The following EIF2S3 variants were observed in gnomAD, a reference collection of about 807,000 sequenced individuals.
EIF2S3 encodes eukaryotic translation initiation factor 2 subunit 3.
EIF2S3 carries 2 observed loss-of-function variants against 31.7 expected under a neutral mutation model. The observed-to-expected ratio is 0.06, with a 90% CI of 0.03 to 0.20. EIF2S3 has a LOEUF of 0.20. Ranked by LOEUF, EIF2S3 falls within the 10% of genes least tolerant of loss-of-function variation. The pLI, the probability that EIF2S3 is intolerant of heterozygous loss-of-function variation, is 1.00. For synonymous variants in EIF2S3, 120 were observed against 126.7 expected (o/e 0.95, Z 0.36); for missense variants, 96 against 359.3 (o/e 0.27, Z 5.92).
chrX:24,071,517 G>A (rs1930670421), intron 9 of EIF2S3, 41 bp from the exon 10 acceptor site: 1 of 1,167,845 alleles, frequency 8.6e-7, no homozygotes, highest in African/African-American at 1.8e-5. Flanking sequence ...GGTGTTTTAG[G>A]AAATAAAAAA....
At chrX:24,067,206 G>C (rs1445210649) in intron 8 of EIF2S3, among the ~76,000 whole-genome samples, 1 of 111,103 alleles carries the variant, frequency 9.0e-6, no homozygotes, top group Non-Finnish European at 1.9e-5. Context: ...ACCTCGCCCA[G>C]CTAATTTTTT....
Position 24,072,649 on chromosome X carries a change from T to C in EIF2S3, c.1183-442T>C, listed in dbSNP as rs749487180. Among the ~76,000 whole-genome samples, 9 of 111,656 alleles carry C rather than the reference T, an allele frequency of 8.1e-5. No individual in the cohort carries two copies. The East Asian group carries it at 2.5e-3, about 31-fold the overall frequency. ...ATGGGAAATTGCTGACACCTAGTGTTGGCAAAGATTGAGGAAAATAAGCTA... is the reference window on the plus strand; with the variant it reads ...ATGGGAAATTGCTGACACCTAGTGTCGGCAAAGATTGAGGAAAATAAGCTA... On this transcript the variant is annotated intron_variant, in intron 10 of 11. Transcript: ENST00000253039.
At chrX:24,055,371 G>A (rs981410249) in intron 1 of EIF2S3, among the ~76,000 whole-genome samples, 1 of 111,512 alleles carries the variant, frequency 9.0e-6, no homozygotes, top group Non-Finnish European at 1.9e-5. Flanking sequence ...CCCAAGATTG[G>A]GGGGATCTCT....
rs192685955 is a variant in EIF2S3 at position 24,063,824 on chromosome X, A to G, written c.638-377A>G. 2.7e-5 allele frequency among the ~76,000 whole-genome samples: 3 copies of G among 111,653 alleles called. No individual in the cohort carries two copies. In the East Asian group the frequency reaches 8.4e-4, roughly 31 times the overall value. ...GCAGTCTTTGATTAGCAGAGTCTGT[A>G]ATTTTATCTTGACATTTATTGGGAG... On this transcript the variant is annotated intron_variant, in intron 6 of 11. Coordinates refer to ENST00000253039, the MANE Select transcript of EIF2S3 (RefSeq NM_001415.4).
At chrX:24,074,531 C>T (rs1438657388) in intron 11 of EIF2S3, among the ~76,000 whole-genome samples, 1 of 111,470 alleles carries the variant, frequency 9.0e-6, no homozygotes, top group Non-Finnish European at 1.9e-5. Context: ...TCATTGAATC[C>T]CACACCCCTG....
chrX:24,077,987 G>A lies in EIF2S3; in HGVS notation c.*1202G>A, dbSNP rs1029089110. ...TAGAAAGCAATGAGTGAGTCCTTTT[G>A]ATTTTTAACTTATTCCCCATGTCCC... On this transcript the variant is annotated 3_prime_UTR_variant, in exon 12 of 12. Coordinates refer to ENST00000253039, the MANE Select transcript of EIF2S3 (RefSeq NM_001415.4). 10 of 110,181 alleles carry A rather than the reference G, an allele frequency of 9.1e-5. No individual in the cohort carries two copies. The highest frequency in any genetic ancestry group is 3.3e-4 in the African/African-American group (10 of 30,113). 9.1% of individuals were successfully genotyped at this position (110,181 alleles called of 1,213,427 possible).
chrX:24,073,418 T>C (rs764178161), intron 11 of EIF2S3, 155 bp downstream of exon 11: 57 of 742,258 alleles, frequency 7.7e-5, no homozygotes, highest in Middle Eastern at 4.0e-4. Context: ...TTCGGCCGGG[T>C]GCGGTGGCTC....
chrX:24,056,000 G>A (rs1930397801), intron 2 of EIF2S3, among the ~76,000 whole-genome samples: 1 of 111,940 alleles, frequency 8.9e-6, no homozygotes, highest in Non-Finnish European at 1.9e-5. Context: ...ATTATTTCAA[G>A]GGCAGAATTT....
At chrX:24,059,429 CT>C (rs199919234) in intron 4 of EIF2S3, among the ~76,000 whole-genome samples, 9 of 100,629 alleles carry the variant, frequency 8.9e-5, no homozygotes, top group East Asian at 3.1e-4. Context: ...TTTTTTTTCT[CT>C]TTTTTTTTTG....
At chrX:24,056,908 C>T (rs970766970) in intron 2 of EIF2S3, among the ~76,000 whole-genome samples, 4 of 112,173 alleles carry the variant, frequency 3.6e-5, no homozygotes, top group Non-Finnish European at 7.5e-5. Context: ...GGAAGTTTCT[C>T]TTAAGTCCTA....
chrX:24,065,515 G>A (rs1178023969), intron 7 of EIF2S3, among the ~76,000 whole-genome samples: 2 of 111,088 alleles, frequency 1.8e-5, no homozygotes, highest in Non-Finnish European at 3.8e-5. Flanking sequence ...CGAGCTACTC[G>A]GTAGGCTGAG....
Position 24,076,926 on chromosome X carries a change from CTT to C in EIF2S3, c.*161_*162del, listed in dbSNP as rs879230822. 3,886 of 175,547 alleles carry C rather than the reference CTT, an allele frequency of 0.022. 8 individuals carry two copies. Among genetic ancestry groups the C allele is most frequent in the East Asian group, 0.059 (653 of 11,011 alleles). The allele number at this position is 175,547 out of a possible 1,213,427, so 14.5% of individuals were successfully genotyped here. ...TAGTAGGTAACGGTAAGGTTATTCTCTTTTTTTTTTTTTTTTTTTTTGGTTAT... is the reference window on the plus strand; with the variant it reads ...TAGTAGGTAACGGTAAGGTTATTCTCTTTTTTTTTTTTTTTTTTTGGTTAT... On this transcript the variant is annotated 3_prime_UTR_variant, in exon 12 of 12. Transcript: ENST00000253039.
At chrX:24,076,576 T>G in intron 11 of EIF2S3, 146 bp from the exon 12 acceptor site, 1 of 501,796 alleles carries the variant, frequency 2.0e-6, no homozygotes, top group South Asian at 3.1e-5. Context: ...TCTAAGAATA[T>G]AGTGTGGGCT....
intron 5 of EIF2S3, 39 bp from the exon 6 acceptor site, chrX:24,062,377 C>G: frequency 8.6e-7 from 1 of 1,164,408 alleles, no homozygotes; most frequent in Non-Finnish European, 1.1e-6. Context: ...ATATTTCCAG[C>G]TATTCTTATA....
At chrX:24,063,537 T>C (rs1930524659) in intron 6 of EIF2S3, among the ~76,000 whole-genome samples, 1 of 111,590 alleles carries the variant, frequency 9.0e-6, no homozygotes. Flanking sequence ...ACCAAGACTT[T>C]AGGAGGCTGA....
intron 10 of EIF2S3, 31 bp from the exon 11 acceptor site, chrX:24,073,060 G>T: frequency 3.4e-6 from 4 of 1,170,899 alleles, no homozygotes; most frequent in Non-Finnish European, 1.1e-6. Context: ...CTTGATTTTG[G>T]GGTTTATTTT....
intron 11 of EIF2S3, among the ~76,000 whole-genome samples, chrX:24,075,452 C>A (rs1930739861): frequency 9.0e-6 from 1 of 111,432 alleles, no homozygotes; most frequent in South Asian, 3.8e-4. Flanking sequence ...ACAGTCCATA[C>A]CACCATCACT....
Position 24,077,788 on chromosome X carries a change from C to T in EIF2S3, c.*1003C>T, listed in dbSNP as rs1230513328. 8.9e-6 allele frequency: 1 copy of T among 111,746 alleles called. No homozygotes were observed. Among genetic ancestry groups the T allele is most frequent in the Admixed American group, 9.6e-5 (1 of 10,427 alleles). The allele number at this position is 111,746 out of a possible 1,213,427, so 9.2% of individuals were successfully genotyped here. A position where few individuals can be genotyped will look rare whatever the true frequency, so the allele number is the denominator to read the frequency against. On this transcript the variant is annotated 3_prime_UTR_variant, in exon 12 of 12. Transcript: ENST00000253039. ...TTCTGCGTTGTTTAATGCCTGAAAT[C>T]CAAGTCTTCCTCCATGGGAAAATAC...
At chrX:24,074,673 C>A (rs1425193603) in intron 11 of EIF2S3, among the ~76,000 whole-genome samples, 6 of 110,034 alleles carry the variant, frequency 5.5e-5, no homozygotes, top group Non-Finnish European at 3.8e-5. Context: ...GGCATTCTTT[C>A]TTTGCCATTA....
Sources: gnomAD v4.1 joint callset for allele counts (sites outside exome capture counted in the v4.1 genomes callset) on GRCh38, gnomAD v4.1.1 for gene constraint, MANE v1.5 for transcripts, NCBI Gene and HGNC (gene_info 2026-07-23, HGNC 2026-07-21) for gene names.